The following UBE2D2 variants were observed in gnomAD, a reference collection of about 807,000 sequenced individuals.
UBE2D2 encodes ubiquitin conjugating enzyme E2 D2.
Under a neutral mutation model 24.2 loss-of-function variants are expected in UBE2D2, and 2 were observed. The observed-to-expected ratio is 0.08, with a 90% CI of 0.03 to 0.26. The LOEUF (loss-of-function observed/expected upper bound fraction) is 0.26, where lower values mean the gene tolerates loss of function less well. Ranked by LOEUF, UBE2D2 falls within the 10% of genes least tolerant of loss-of-function variation. The pLI is 1.00. For missense variants in UBE2D2, 44 were observed against 177.6 expected (o/e 0.25, Z 4.28); for synonymous variants, 58 against 56.5 (o/e 1.03, Z -0.12).
intron 1 of UBE2D2, among the ~76,000 whole-genome samples, chr5:139,550,671 G>T (rs894537009): frequency 1.3e-5 from 2 of 151,350 alleles, no homozygotes; most frequent in African/African-American, 4.9e-5. Flanking sequence ...GTGAAGCTCT[G>T]CAGCCTCAAT....
chr5:139,551,915 A>C (rs892677306), intron 1 of UBE2D2, among the ~76,000 whole-genome samples: 16 of 152,222 alleles, frequency 1.1e-4, no homozygotes, highest in Admixed American at 7.2e-4. Flanking sequence ...AATTTCAATG[A>C]AGTGGGGCAT....
At chr5:139,596,455 A>G (rs1581518502) in intron 1 of UBE2D2, among the ~76,000 whole-genome samples, 1 of 150,162 alleles carries the variant, frequency 6.7e-6, no homozygotes, top group Non-Finnish European at 1.5e-5. Context: ...CACCACACCC[A>G]GCTAATTTTT....
intron 1 of UBE2D2, among the ~76,000 whole-genome samples, chr5:139,567,432 G>A (rs1753253081): frequency 6.7e-6 from 1 of 149,404 alleles, no homozygotes; most frequent in Admixed American, 6.7e-5. Context: ...TAATTAACTT[G>A]CTTTTTTTTT....
At position 139,561,371 on chromosome 5, in the gene UBE2D2, G is replaced by T. The variant is rs1364532504; in HGVS notation, c.-421G>T. On this transcript the variant is annotated 5_prime_UTR_variant, in exon 1 of 7. Coordinates refer to ENST00000398733, the MANE Select transcript of UBE2D2 (RefSeq NM_003339.3). ...CCCCGGCGGCGCAGCCCGCCCGCCC[G>T]CGCGTCCCTCGGTCCACCTGCAGCA... 2 of 156,884 alleles carry T rather than the reference G, an allele frequency of 1.3e-5. No homozygotes were observed. The highest frequency in any genetic ancestry group is 2.0e-4 in the South Asian group (1 of 5,118). The allele number at this position is 156,884 out of a possible 1,614,324, so 9.7% of individuals were successfully genotyped here.
At chr5:139,550,842 A>G (rs1168604218) in intron 1 of UBE2D2, among the ~76,000 whole-genome samples, 5 of 152,164 alleles carry the variant, frequency 3.3e-5, no homozygotes, top group Non-Finnish European at 7.3e-5. Context: ...ACGTCTGAAC[A>G]TCAGAAAGAA....
In UBE2D2 at chr5:139,615,022, A is replaced by G. The variant is rs1472022492; in HGVS notation, c.304+56A>G. ...GCAACCGTGTCTTTTGTCTTTTTAG[A>G]GTTATTTATTTTTGAAAAGATTACT... On this transcript the variant is annotated intron_variant, in intron 5 of 6. Coordinates refer to ENST00000398733, the MANE Select transcript of UBE2D2 (RefSeq NM_003339.3). 7.5e-6 allele frequency: 11 copies of G among 1,466,056 alleles called. No homozygotes were observed. In the East Asian group the frequency reaches 2.3e-4, roughly 30 times the overall value. 90.8% of individuals were successfully genotyped at this position (1,466,056 alleles called of 1,614,324 possible). A position where few individuals can be genotyped will look rare whatever the true frequency, so the allele number is the denominator to read the frequency against.
intron 1 of UBE2D2, among the ~76,000 whole-genome samples, chr5:139,549,318 C>T (rs1752874301): frequency 6.6e-6 from 1 of 152,178 alleles, no homozygotes; most frequent in African/African-American, 2.4e-5. Flanking sequence ...GGAGCCAGCT[C>T]CCTCTGCTTG....
chr5:139,550,892 A>G (rs1339488332), intron 1 of UBE2D2, among the ~76,000 whole-genome samples: 1 of 152,206 alleles, frequency 6.6e-6, no homozygotes, highest in African/African-American at 2.4e-5. Context: ...TGTAGCACTC[A>G]TCATGAGAGT....
At chr5:139,526,329 A>G (rs1008996129), upstream of UBE2D2, 5 of 152,216 alleles carry the variant, frequency 3.3e-5, no homozygotes, top group Non-Finnish European at 4.4e-5. Context: ...GGTTTTATCT[A>G]TGGCTCGTCC....
chr5:139,552,651 G>C (rs560253302), intron 1 of UBE2D2, among the ~76,000 whole-genome samples: 12 of 145,384 alleles, frequency 8.3e-5, no homozygotes, highest in African/African-American at 2.8e-4. Context: ...TGTGATTATA[G>C]GCATGTGCCA....
At chr5:139,581,555 T>C (rs912978125) in intron 1 of UBE2D2, among the ~76,000 whole-genome samples, 2 of 151,664 alleles carry the variant, frequency 1.3e-5, no homozygotes, top group African/African-American at 4.9e-5. Context: ...ATATACATAA[T>C]GAAATGAGAT....
At chr5:139,562,159 C>A (rs1266567118) in intron 1 of UBE2D2, 1 of 1,319,710 alleles carries the variant, frequency 7.6e-7, no homozygotes, top group East Asian at 3.3e-5. Context: ...CCGAGGGGGG[C>A]GCTGGGGCGT....
chr5:139,593,037 C>G (rs529428035), intron 1 of UBE2D2, among the ~76,000 whole-genome samples: 1 of 148,856 alleles, frequency 6.7e-6, no homozygotes, highest in East Asian at 2.0e-4. Context: ...GCTCTGTTAC[C>G]CAGGCTGGAG....
chr5:139,593,814 C>T (rs1005713865), intron 1 of UBE2D2, among the ~76,000 whole-genome samples: 2 of 152,092 alleles, frequency 1.3e-5, no homozygotes, highest in Non-Finnish European at 2.9e-5. Flanking sequence ...TAGAGTCTTA[C>T]TGTGTTGACC....
chr5:139,571,081 G>C (rs966923897), intron 1 of UBE2D2, among the ~76,000 whole-genome samples: 10 of 152,042 alleles, frequency 6.6e-5, no homozygotes, highest in Non-Finnish European at 1.3e-4. Flanking sequence ...TAAATCTTAC[G>C]TGTGAGTTGT....
intron 1 of UBE2D2, among the ~76,000 whole-genome samples, chr5:139,570,654 G>A (rs1753336383): frequency 6.6e-6 from 1 of 152,200 alleles, no homozygotes; most frequent in African/African-American, 2.4e-5. Context: ...TGAGACTACA[G>A]GCGCGTGCCA....
At chr5:139,614,517 ATATGT>A (rs1390058509) in intron 2 of UBE2D2, 64 bp from the exon 3 acceptor site, 2 of 1,546,428 alleles carry the variant, frequency 1.3e-6, no homozygotes, top group African/African-American at 2.7e-5. Context: ...AAGGGGAATG[ATATGT>A]TACTATGGCG....
intron 1 of UBE2D2, among the ~76,000 whole-genome samples, chr5:139,546,809 TCTTTCTTTCTTC>T (rs1190984048): frequency 2.3e-5 from 3 of 129,046 alleles, no homozygotes; most frequent in African/African-American, 2.8e-5. Flanking sequence ...CTTTCTTTCT[TCTTTCTTTCTTC>T]CTTCCTTCCT....
chr5:139,615,102 G>GA (rs1754396520), intron 5 of UBE2D2, 136 bp downstream of exon 5: 1 of 904,636 alleles, frequency 1.1e-6, no homozygotes, highest in African/African-American at 1.7e-5. Flanking sequence ...TGGACCTTGA[G>GA]AACTGAAAAC....
Sources: allele counts gnomAD v4.1 joint callset (sites outside exome capture counted in the v4.1 genomes callset), GRCh38; gene constraint gnomAD v4.1.1; transcripts MANE v1.5; gene names NCBI Gene and HGNC (gene_info 2026-07-23, HGNC 2026-07-21).